The following PRRC2C variants were observed in gnomAD, a reference collection of about 807,000 sequenced individuals.
PRRC2C encodes the protein protein PRRC2C.
PRRC2C carries 72 observed loss-of-function variants against 317.2 expected under a neutral mutation model. That is an observed-to-expected ratio of 0.23 (90% CI 0.19 to 0.28). The LOEUF (loss-of-function observed/expected upper bound fraction) is 0.28, where lower values mean the gene tolerates loss of function less well. Among genes scored for constraint, PRRC2C ranks in the 10% least tolerant of loss-of-function variants. The probability of loss-of-function intolerance (pLI) is 1.00; values close to 1 mark genes in which losing one functional copy is unlikely to be tolerated. For synonymous variants in PRRC2C, 1,296 were observed against 1,205.9 expected (o/e 1.07, Z -1.55); for missense variants, 3,074 against 3,459.7 (o/e 0.89, Z 2.80).
chr1:171,534,962 C>T (rs1676546598), intron 12 of PRRC2C, among the ~76,000 whole-genome samples: 2 of 152,140 alleles, frequency 1.3e-5, no homozygotes, highest in Non-Finnish European at 2.9e-5. Flanking sequence ...GACTTAAACT[C>T]ATTAGTTTTC....
At chr1:171,587,289 G>T in intron 31 of PRRC2C, 68 bp downstream of exon 31, 1 of 1,383,956 alleles carries the variant, frequency 7.2e-7, no homozygotes, top group South Asian at 1.4e-5. Context: ...ATATGCATCT[G>T]TGTTATCTAA....
intron 19 of PRRC2C, among the ~76,000 whole-genome samples, chr1:171,559,988 C>T (rs1234845986): frequency 6.6e-6 from 1 of 152,204 alleles, no homozygotes; most frequent in Admixed American, 6.5e-5. Context: ...TCCAACATGG[C>T]ATCCATTCTG....
rs1316745166 is a variant in PRRC2C, at chr1:171,566,271, A to G, written c.6156A>G (p.Gly2052=). The change falls in exon 21 of 35, where the codon GGA becomes GGG. Residue 2052 remains glycine, a synonymous_variant. Coordinates refer to ENST00000647382, the MANE Select transcript of PRRC2C (RefSeq NM_001387844.1). Reference sequence around the variant, plus strand: ...GTCAAGAAAGTGGACTCGAAATTGGAACTGACACAATTCAGTTTGGTGCTC... The same window carrying G: ...GTCAAGAAAGTGGACTCGAAATTGGGACTGACACAATTCAGTTTGGTGCTC... ...KNGQESGLEI[G]TDTIQFGAPA... 2 of 1,611,726 alleles carry G rather than the reference A, an allele frequency of 1.2e-6. No homozygotes were observed. The highest frequency in any genetic ancestry group is 1.7e-6 in the Non-Finnish European group (2 of 1,178,992).
rs1676340091 is a variant in PRRC2C, at chr1:171,533,948, G to A, written c.1873+987G>A. Among the ~76,000 whole-genome samples the A allele has an allele frequency of 2.0e-5, 3 of 152,114 alleles. No individual in the cohort carries two copies. The South Asian group carries it at 6.2e-4, about 32-fold the overall frequency. ...AAAGTTTAGTTTTAATGAACGACTT[G>A]AATTAAAATAGAAATGCAGTTTTAT... On this transcript the variant is annotated intron_variant, in intron 12 of 34. Coordinates refer to ENST00000647382, the MANE Select transcript of PRRC2C (RefSeq NM_001387844.1).
At chr1:171,568,380 C>T in intron 23 of PRRC2C, 41 bp downstream of exon 23, 1 of 1,561,302 alleles carries the variant, frequency 6.4e-7, no homozygotes, top group African/African-American at 1.4e-5. Context: ...TGGATTGGAA[C>T]CTGGCTATTA....
In PRRC2C at chr1:171,541,745, C is replaced by T; in HGVS notation, c.4279C>T (p.Pro1427Ser). 2 of 1,613,964 alleles carry T rather than the reference C, an allele frequency of 1.2e-6. No individual in the cohort carries two copies. The highest frequency in any genetic ancestry group is 1.7e-6 in the Non-Finnish European group (2 of 1,179,884). ...PARERPRRQRPTRPPRQDKPP... is the reference protein window; with the variant it reads ...PARERPRRQRSTRPPRQDKPP... The stretch of plus-strand genomic sequence containing the variant: ...TAGAGAAAGGCCTCGAAGGCAGCGT[C>T]CTACTCGACCACCAAGGCAAGACAA... The change falls in exon 16 of 35, where the codon CCT (proline) becomes TCT (serine). Residue 1427 changes from proline (P) to serine (S), a missense_variant. Transcript: ENST00000647382. The surrounding 1 kb of genome is among the most constrained non-coding windows in gnomAD (Gnocchi z 4.1).
intron 1 of PRRC2C, among the ~76,000 whole-genome samples, chr1:171,488,027 CTCT>C (rs1666448008): frequency 1.2e-4 from 1 of 8,292 alleles, no homozygotes; most frequent in Non-Finnish European, 3.2e-4. Flanking sequence ...CCAGCCCCCT[CTCT>C]TCTTCTTACC....
chr1:171,591,994 T>G lies in PRRC2C; in HGVS notation c.*147T>G. 1 of 1,022,082 alleles carries G rather than the reference T, an allele frequency of 9.8e-7. No individual in the cohort carries two copies. The highest frequency in any genetic ancestry group is 1.4e-6 in the Non-Finnish European group (1 of 697,768). 63.3% of individuals were successfully genotyped at this position (1,022,082 alleles called of 1,614,324 possible). On this transcript the variant is annotated 3_prime_UTR_variant, in exon 35 of 35. Transcript: ENST00000647382. ...GATGTACAAGGGACATAGGAGCAAT[T>G]TACACTGACACACAGCTGCTGTACC...
At chr1:171,490,291 A>G (rs1296352103) in intron 1 of PRRC2C, among the ~76,000 whole-genome samples, 1 of 152,222 alleles carries the variant, frequency 6.6e-6, no homozygotes, top group Non-Finnish European at 1.5e-5. Flanking sequence ...ATGATTTTAC[A>G]TAATTTTCTG....
chr1:171,569,672 C>A (rs1684398468), intron 23 of PRRC2C, among the ~76,000 whole-genome samples: 2 of 145,268 alleles, frequency 1.4e-5, no homozygotes, highest in African/African-American at 5.1e-5. Context: ...AAAAGACTTC[C>A]TTTCAGTTTA....
At chr1:171,512,744 T>A in intron 2 of PRRC2C, 1 of 346,656 alleles carries the variant, frequency 2.9e-6, no homozygotes, top group Non-Finnish European at 5.2e-6. Context: ...GTATTATCAA[T>A]GTTTTCTGTA....
chr1:171,551,177 G>T (rs541865585), intron 18 of PRRC2C, among the ~76,000 whole-genome samples: 1 of 152,270 alleles, frequency 6.6e-6, no homozygotes, highest in East Asian at 1.9e-4. Flanking sequence ...GTGTGAGATG[G>T]TATCTTATTG....
At position 171,561,069 on chromosome 1, in the gene PRRC2C, C is replaced by A. The variant is rs1682590061; in HGVS notation, c.6083C>A (p.Pro2028His). 1 of 1,607,958 alleles carries A rather than the reference C, an allele frequency of 6.2e-7. No homozygotes were observed. The highest frequency in any genetic ancestry group is 8.5e-7 in the Non-Finnish European group (1 of 1,174,468). Residue 2028 changes from proline (P) to histidine (H), a missense_variant, in exon 20 of 35, where the codon CCC becomes CAC. This residue lies in a region of PRRC2C where 640 missense variants were observed against 676.1 expected (regional missense o/e 0.95). Coordinates refer to ENST00000647382, the MANE Select transcript of PRRC2C (RefSeq NM_001387844.1). ...CCTTCAGTCAGTGCATGGAATAAGC[C>A]CTTAACATCGTTTGGATCAGCTCCT... ...QPPSVSAWNK[P>H]LTSFGSAPSS...
At chr1:171,559,982 A>G (rs1682348905) in intron 19 of PRRC2C, among the ~76,000 whole-genome samples, 1 of 152,186 alleles carries the variant, frequency 6.6e-6, no homozygotes, top group Non-Finnish European at 1.5e-5. Context: ...ATGCCTTCCA[A>G]CATGGCATCC....
chr1:171,523,493 A>G lies in PRRC2C; in HGVS notation c.1026A>G (p.Gln342=), dbSNP rs1160676864. 4 of 1,611,580 alleles carry G rather than the reference A, an allele frequency of 2.5e-6. No individual in the cohort carries two copies. The highest frequency in any genetic ancestry group is 3.4e-6 in the Non-Finnish European group (4 of 1,179,164). Residue 342 remains glutamine, a synonymous_variant, in exon 9 of 35, where the codon CAA becomes CAG. Transcript: ENST00000647382. ...EQLNFSDDDE[Q]GSNSPKENNS... ...TGAATTTCAGTGATGATGATGAACA[A>G]GGAAGTAACAGTCCTAAAGAGAATA...
intron 1 of PRRC2C, among the ~76,000 whole-genome samples, chr1:171,486,674 C>T (rs1186724742): frequency 1.3e-5 from 2 of 152,216 alleles, no homozygotes; most frequent in African/African-American, 4.8e-5. Flanking sequence ...AGATTCATAC[C>T]TCGTTAGAGT....
intron 18 of PRRC2C, among the ~76,000 whole-genome samples, chr1:171,553,529 T>G (rs551224422): frequency 9.4e-4 from 143 of 152,312 alleles, no homozygotes; most frequent in African/African-American, 3.4e-3. Flanking sequence ...GTGTTTGCTC[T>G]TGCTTCTCTA....
At chr1:171,493,472 GACA>G (rs1297162927) in intron 1 of PRRC2C, among the ~76,000 whole-genome samples, 8 of 152,162 alleles carry the variant, frequency 5.3e-5, no homozygotes, top group Middle Eastern at 3.2e-3. Context: ...CAGCATGGGT[GACA>G]GAGTAAAACT....
chr1:171,584,172 C>T lies in PRRC2C; in HGVS notation c.7626C>T (p.Asp2542=). ...GACTAGGAGGTTCCCAGCTGATTGA[C>T]ACACATCTTCTCCAGGTAAGTCAGG... ...ASGLGGSQLI[D]THLLQARANL... is the part of the protein sequence containing the mutation. The change falls in exon 29 of 35, where the codon GAC becomes GAT. Residue 2542 remains aspartate, a synonymous_variant. Coordinates refer to ENST00000647382, the MANE Select transcript of PRRC2C (RefSeq NM_001387844.1). 1 of 1,612,396 alleles carries T rather than the reference C, an allele frequency of 6.2e-7. No homozygotes were observed. Among genetic ancestry groups the T allele is most frequent in the Non-Finnish European group, 8.5e-7 (1 of 1,178,456 alleles).
Sources: allele counts gnomAD v4.1 joint callset (sites outside exome capture counted in the v4.1 genomes callset), GRCh38; gene constraint gnomAD v4.1.1; regional missense constraint gnomAD v4.1.1; non-coding constraint Gnocchi (gnomAD v3.1); transcripts MANE v1.5; gene names NCBI Gene and HGNC (gene_info 2026-07-23, HGNC 2026-07-21).